SIN3B: variants seen among roughly 807,000 people sequenced by gnomAD.
The protein encoded by SIN3B is paired amphipathic helix protein Sin3b.
SIN3B carries 19 observed loss-of-function variants against 120.2 expected under a neutral mutation model. That is an observed-to-expected ratio of 0.16 (90% confidence interval 0.11 to 0.23). SIN3B has a LOEUF of 0.23. Among genes scored for constraint, SIN3B ranks in the 10% least tolerant of loss-of-function variants. SIN3B has a pLI of 1.00. For synonymous variants in SIN3B, 654 were observed against 653.2 expected (o/e 1.00, Z -0.02); for missense variants, 1,073 against 1,573.0 (o/e 0.68, Z 5.38).
rs1394479803 is a variant in SIN3B, at chr19:16,866,297, A to G, written c.1623-76A>G. On this transcript the variant is annotated intron_variant, in intron 11 of 18. Coordinates refer to ENST00000248054, the MANE Select transcript of SIN3B (RefSeq NM_001297595.2). ...GGACCCCCAGTCAAGTCCCAGAGGAAGACAGGCCAGCCCTGGGATGCTTCA... is the reference window on the plus strand; with the variant it reads ...GGACCCCCAGTCAAGTCCCAGAGGAGGACAGGCCAGCCCTGGGATGCTTCA... The G allele has an allele frequency of 1.0e-5, 15 of 1,450,884 alleles. No homozygotes were observed. In the South Asian group the frequency reaches 1.6e-4, roughly 15 times the overall value. The allele number at this position is 1,450,884 out of a possible 1,614,324, so 89.9% of individuals were successfully genotyped here.
At position 16,847,122 on chromosome 19, in the gene SIN3B, C is replaced by T. The variant is rs368818471; in HGVS notation, c.726+9C>T. On this transcript the variant is annotated intron_variant, in intron 5 of 18. Transcript: ENST00000248054. ...AAGCCAAGCGGTCTCTGGTGAGTGC[C>T]GAGAGCCCCTGCCCAGCCTCGGGGG... 5.5e-5 allele frequency: 88 copies of T among 1,604,268 alleles called. No individual in the cohort carries two copies. In the Admixed American group the frequency reaches 7.4e-4, roughly 13 times the overall value.
rs1157740124 is a variant in SIN3B at position 16,866,379 on chromosome 19, G to A, written c.1629G>A (p.Lys543=). The A allele has an allele frequency of 3.1e-6, 5 of 1,611,900 alleles. No individual in the cohort carries two copies. Among genetic ancestry groups the A allele is most frequent in the African/African-American group, 2.7e-5 (2 of 74,808 alleles). Residue 543 remains lysine (K), a synonymous_variant, in exon 12 of 19, where the codon AAG becomes AAA. Coordinates refer to ENST00000248054, the MANE Select transcript of SIN3B (RefSeq NM_001297595.2). ...TAVPVVLKRL[K]AKEEEWREAQ... ...ACCTCTCTTCCCCCCGCAGACTGAA[G>A]GCCAAGGAAGAGGAGTGGCGGGAGG... is the stretch of plus-strand genomic sequence containing the variant.
intron 9 of SIN3B, chr19:16,863,466 T>A: frequency 1.7e-6 from 1 of 573,380 alleles, no homozygotes; most frequent in East Asian, 2.9e-5. Flanking sequence ...CAGGGGTGGT[T>A]CTGGAACCAA....
At chr19:16,854,349 A>C in intron 8 of SIN3B, 88 bp downstream of exon 8, 1 of 759,524 alleles carries the variant, frequency 1.3e-6, no homozygotes. Context: ...TTTTTGAGCA[A>C]TGATTGTGCT....
chr19:16,858,616 CT>C (rs1340043198), intron 8 of SIN3B, among the ~76,000 whole-genome samples: 2 of 152,054 alleles, frequency 1.3e-5, no homozygotes, highest in African/African-American at 4.8e-5. Flanking sequence ...AATCCCAGTA[CT>C]TTGGGAGGCC....
chr19:16,876,055 C>A lies in SIN3B; in HGVS notation c.2593C>A (p.Leu865Met). 6.4e-7 allele frequency: 1 copy of A among 1,551,446 alleles called. No individual in the cohort carries two copies. ...GCACCACCTGCTTTCCTCCCGCCAG[C>A]TGCACCACCTCGTGAGCGATGACGT... ...DKLVQNIARQ[L>M]HHLVSDDVCL... Residue 865 changes from leucine (L) to methionine (M), a missense_variant and splice_region_variant, in exon 15 of 19, where the codon CTG becomes ATG. Around this residue, in one of 7 missense-constraint regions of SIN3B, gnomAD observed 311 missense variants for 400.3 expected, o/e 0.78. Transcript: ENST00000248054. The surrounding 1 kb of genome is among the most constrained non-coding windows in gnomAD (Gnocchi z 7.1).
At chr19:16,870,890 C>T (rs2051501793) in intron 13 of SIN3B, among the ~76,000 whole-genome samples, 2 of 152,078 alleles carry the variant, frequency 1.3e-5, no homozygotes, top group Admixed American at 1.3e-4. Context: ...AGGATTTCAC[C>T]ATGTTGGCCA....
intron 8 of SIN3B, among the ~76,000 whole-genome samples, chr19:16,857,708 C>A (rs930269055): frequency 6.6e-6 from 1 of 152,166 alleles, no homozygotes; most frequent in Non-Finnish European, 1.5e-5. Context: ...GCATACCATT[C>A]CAGTCCCTGC....
At chr19:16,850,451 T>G (rs1408278943) in intron 5 of SIN3B, among the ~76,000 whole-genome samples, 1 of 152,154 alleles carries the variant, frequency 6.6e-6, no homozygotes, top group Admixed American at 6.5e-5. Flanking sequence ...CCTTGTTTTT[T>G]TTTGTTTGTT....
chr19:16,859,918 C>T (rs535902275), intron 8 of SIN3B, among the ~76,000 whole-genome samples: 3 of 152,152 alleles, frequency 2.0e-5, no homozygotes, highest in African/African-American at 7.2e-5. Flanking sequence ...TTCCTACTAG[C>T]CAAGCGAGCC....
At chr19:16,863,563 A>T in intron 9 of SIN3B, 117 bp from the exon 10 acceptor site, 2 of 730,912 alleles carry the variant, frequency 2.7e-6, no homozygotes, top group East Asian at 5.0e-5. Flanking sequence ...TGTATAAGGC[A>T]GTTGGTATTA....
intron 4 of SIN3B, among the ~76,000 whole-genome samples, chr19:16,844,384 C>T (rs1171186354): frequency 2.6e-5 from 4 of 152,198 alleles, no homozygotes; most frequent in Non-Finnish European, 2.9e-5. Context: ...CCTTCTCCCT[C>T]GGGGTTCTTA....
rs762650758 is a variant in SIN3B, at chr19:16,862,924, A to G, written c.1266+365A>G. 4 of 1,614,238 alleles carry G rather than the reference A, an allele frequency of 2.5e-6. No homozygotes were observed. The highest frequency in any genetic ancestry group is 1.3e-5 in the African/African-American group (1 of 75,076). On this transcript the variant is annotated intron_variant, in intron 9 of 18. Transcript: ENST00000248054. This position sits in a 1 kb window ranked among gnomAD's most constrained non-coding sequence, Gnocchi z 4.7. ...CTTCTCCAGGGTTCGTGGACAGACG[A>G]TTACTGCATGTCCAAGTTCAAGAAT...
Position 16,878,614 on chromosome 19 carries a change from G to A in SIN3B, c.3280G>A (p.Glu1094Lys). 1 of 1,613,082 alleles carries A rather than the reference G, an allele frequency of 6.2e-7. No individual in the cohort carries two copies. Among genetic ancestry groups the A allele is most frequent in the Non-Finnish European group, 8.5e-7 (1 of 1,179,614 alleles). Residue 1094 changes from glutamate (E) to lysine (K), a missense_variant, in exon 19 of 19, where the codon GAG becomes AAG. By Grantham distance (56) the Glu-to-Lys change is moderately conservative. Coordinates refer to ENST00000248054, the MANE Select transcript of SIN3B (RefSeq NM_001297595.2). ...CCTGGTGCAGGACTGGCTGATGGGTGAGGAGGACGAGGACATGGTACCCTG... is the reference window on the plus strand; with the variant it reads ...CCTGGTGCAGGACTGGCTGATGGGTAAGGAGGACGAGGACATGGTACCCTG... ...ASLVQDWLMG[E>K]EDEDMVPCKT...
In SIN3B at chr19:16,868,761, C is replaced by G. The variant is rs958900029; in HGVS notation, c.1807-699C>G. ...CCATGCTCCTGTGGGCCAAGTCACC[C>G]TGGACCCAGTGAGGAGAGTGGTTGG... On this transcript the variant is annotated intron_variant, in intron 12 of 18. Transcript: ENST00000248054. Among the ~76,000 whole-genome samples, 5 of 152,136 alleles carry G rather than the reference C, an allele frequency of 3.3e-5. No individual in the cohort carries two copies. In the South Asian group the frequency reaches 1.0e-3, roughly 31 times the overall value.
intron 4 of SIN3B, among the ~76,000 whole-genome samples, chr19:16,843,043 C>G (rs561595996): frequency 1.6e-4 from 24 of 152,312 alleles, no homozygotes; most frequent in African/African-American, 4.6e-4. Flanking sequence ...TAGACGTCCT[C>G]TTCACCCAGA....
chr19:16,854,031 T>C (rs1003228471), intron 7 of SIN3B, 112 bp from the exon 8 acceptor site: 3 of 701,076 alleles, frequency 4.3e-6, no homozygotes, highest in African/African-American at 1.8e-5. Context: ...CATTTACTTA[T>C]AGACACAGTT....
chr19:16,835,746 C>T (rs937159577), intron 3 of SIN3B, among the ~76,000 whole-genome samples: 2 of 152,100 alleles, frequency 1.3e-5, no homozygotes, highest in Admixed American at 6.6e-5. Context: ...TCTCGAACCC[C>T]TGACCTCAAG....
chr19:16,877,777 C>T (rs1367149397), intron 17 of SIN3B, 138 bp downstream of exon 17: 1 of 682,880 alleles, frequency 1.5e-6, no homozygotes, highest in East Asian at 2.7e-5. Flanking sequence ...GAGGCAGGCC[C>T]TGCCCTTTTG....
Sources: allele counts gnomAD v4.1 joint callset (sites outside exome capture counted in the v4.1 genomes callset), GRCh38; gene constraint gnomAD v4.1.1; regional missense constraint gnomAD v4.1.1; non-coding constraint Gnocchi (gnomAD v3.1); transcripts MANE v1.5; gene names NCBI Gene and HGNC (gene_info 2026-07-23, HGNC 2026-07-21).